The following RAB11FIP5 variants were observed in gnomAD, a reference collection of about 807,000 sequenced individuals.
The protein encoded by RAB11FIP5 is rab11 family-interacting protein 5.
RAB11FIP5 carries 48 observed loss-of-function variants against 85.1 expected under a neutral mutation model. The ratio of observed to expected loss-of-function variants is 0.56; its 90% CI spans 0.45 to 0.72. The LOEUF is 0.72. Ranked by LOEUF, RAB11FIP5 falls within the 30% of genes least tolerant of loss-of-function variation. The pLI is 0.00. For synonymous variants in RAB11FIP5, 729 were observed against 727.3 expected, an observed-to-expected ratio of 1.00 and a Z score of -0.04; for missense variants, 1,491 against 1,687.0, an observed-to-expected ratio of 0.88 and a Z score of 2.04.
At chr2:73,101,330 A>G (rs145254674) in intron 1 of RAB11FIP5, among the ~76,000 whole-genome samples, 2,672 of 152,312 alleles carry the variant, frequency 0.018, 44 homozygotes, top group Middle Eastern at 0.075. Flanking sequence ...GAGACATGTC[A>G]TGAGGAGACA....
chr2:73,099,574 G>A (rs1224548826), intron 1 of RAB11FIP5, among the ~76,000 whole-genome samples: 1 of 152,214 alleles, frequency 6.6e-6, no homozygotes, highest in Admixed American at 6.5e-5. Context: ...GCCTGGTGAA[G>A]GGCAAGAAGC....
intron 1 of RAB11FIP5, among the ~76,000 whole-genome samples, chr2:73,111,845 C>T (rs1039916256): frequency 1.4e-4 from 21 of 152,182 alleles, no homozygotes; most frequent in Non-Finnish European, 2.5e-4. Context: ...CTGCAGCCAG[C>T]TTCTACGTTT....
At chr2:73,112,948 T>TGGCCGCG (rs1384661541), upstream of RAB11FIP5, 20 of 339,290 alleles carry the variant, frequency 5.9e-5, no homozygotes, top group Admixed American at 9.3e-4. Context: ...ACCGGGCCGC[T>TGGCCGCG]GGCCGCGGGC....
rs1291235401 is a variant in RAB11FIP5 at position 73,074,463 on chromosome 2, T to A, written c.*1058A>T. On this transcript the variant is annotated 3_prime_UTR_variant, in exon 6 of 6. Transcript: ENST00000486777. ...ACTTGGCCAGACCAAGAGATTAACTTTAGGGGAGGGGAACAGCCCACAGCA... is the reference window on the plus strand; with the variant it reads ...ACTTGGCCAGACCAAGAGATTAACTATAGGGGAGGGGAACAGCCCACAGCA... 1 of 152,578 alleles carries A rather than the reference T, an allele frequency of 6.6e-6. No homozygotes were observed. The highest frequency in any genetic ancestry group is 1.5e-5 in the Non-Finnish European group (1 of 68,186). 9.5% of individuals were successfully genotyped at this position (152,578 alleles called of 1,614,324 possible). A position where few individuals can be genotyped will look rare whatever the true frequency, so the allele number is the denominator to read the frequency against.
In RAB11FIP5 at chr2:73,112,889, G is replaced by T; in HGVS notation, c.-112C>A. On this transcript the variant is annotated 5_prime_UTR_variant, in exon 1 of 6. In the 5' UTR this introduces an upstream ATG that the reference lacks. Transcript: ENST00000486777. ...GGAACCAACTCTGAGCGCCGCCGCA[G>T]CTGCGGGCTGGGCTGGGCCGGGCCG... 9.4e-7 allele frequency: 1 copy of T among 1,058,676 alleles called. No homozygotes were observed. The highest frequency in any genetic ancestry group is 1.2e-6 in the Non-Finnish European group (1 of 813,802). The allele number at this position is 1,058,676 out of a possible 1,614,324, so 65.6% of individuals were successfully genotyped here. A position where few individuals can be genotyped will look rare whatever the true frequency, so the allele number is the denominator to read the frequency against.
Position 73,088,555 on chromosome 2 carries a change from G to A in RAB11FIP5, c.1063C>T (p.Arg355Cys), listed in dbSNP as rs538411572. 82 of 1,613,908 alleles carry A rather than the reference G, an allele frequency of 5.1e-5. No homozygotes were observed. Among genetic ancestry groups the A allele is most frequent in the Middle Eastern group, 1.6e-4 (1 of 6,062 alleles). Residue 355 changes from arginine to cysteine, a missense_variant, in exon 3 of 6, where the codon CGC (arginine) becomes TGC (cysteine). This residue lies in a region of RAB11FIP5 where 1,211 missense variants were observed against 1,338.0 expected (regional missense o/e 0.91). Transcript: ENST00000486777. ...GGAAGCGAGCCCGAGATGGAGCTGC[G>A]GTGCCGCACAGGGCCCTGGGGCTCC... ...NEEPQGPVRH[R>C]SSISGSLPSS...
chr2:73,091,747 A>G (rs953487705), intron 1 of RAB11FIP5, among the ~76,000 whole-genome samples: 4 of 152,162 alleles, frequency 2.6e-5, no homozygotes, highest in African/African-American at 9.7e-5. Context: ...ATCCCTATAG[A>G]AGAGCCCATC....
chr2:73,094,972 G>A (rs1684289272), intron 1 of RAB11FIP5, among the ~76,000 whole-genome samples: 1 of 151,746 alleles, frequency 6.6e-6, no homozygotes. Context: ...AAACCAGGAG[G>A]AAGGACAGTG....
chr2:73,102,585 C>T (rs893046308), intron 1 of RAB11FIP5, among the ~76,000 whole-genome samples: 21 of 152,136 alleles, frequency 1.4e-4, no homozygotes, highest in Admixed American at 1.3e-3. Flanking sequence ...TCGCCCCCTG[C>T]GGCAGCACTA....
At chr2:73,101,763 G>A (rs1266442984) in intron 1 of RAB11FIP5, among the ~76,000 whole-genome samples, 1 of 152,090 alleles carries the variant, frequency 6.6e-6, no homozygotes, top group Non-Finnish European at 1.5e-5. Flanking sequence ...CACCGCACAG[G>A]GGCTGACAGC....
At chr2:73,102,549 G>A (rs1684448784) in intron 1 of RAB11FIP5, among the ~76,000 whole-genome samples, 2 of 152,286 alleles carry the variant, frequency 1.3e-5, no homozygotes, top group South Asian at 4.2e-4. Flanking sequence ...AGGAGAGCCA[G>A]GGGGGCCCCT....
chr2:73,112,364 G>T lies in RAB11FIP5; in HGVS notation c.414C>A (p.Gly138=). ...TVALDEVFGA[G]RAQHTQWYKL... is the part of the protein sequence containing the mutation. ...CTACTCACTGCGTGTGCTGGGCGCG[G>T]CCTGCGCCGAAGACCTCGTCCAGCG... Residue 138 remains glycine (G), a synonymous_variant, in exon 1 of 6, where the codon GGC becomes GGA. Coordinates refer to ENST00000486777, the MANE Select transcript of RAB11FIP5 (RefSeq NM_001371272.1). 1 of 1,588,806 alleles carries T rather than the reference G, an allele frequency of 6.3e-7. No individual in the cohort carries two copies.
In RAB11FIP5 at chr2:73,080,171, T is replaced by C. The variant is rs1683944284; in HGVS notation, c.3061A>G (p.Thr1021Ala). Residue 1021 changes from threonine to alanine, a missense_variant, in exon 4 of 6, where the codon ACT (threonine) becomes GCT (alanine). By Grantham distance (58) the Thr-to-Ala change is moderately conservative. This residue lies in a region of RAB11FIP5 where 1,211 missense variants were observed against 1,338.0 expected (regional missense o/e 0.91). Coordinates refer to ENST00000486777, the MANE Select transcript of RAB11FIP5 (RefSeq NM_001371272.1). Reference sequence around the variant, plus strand: ...TCAGGGCCTTCTCCAACCTCTGGAGTCCCCCAGATGTGCTGACTCTGAAGA... The same window carrying C: ...TCAGGGCCTTCTCCAACCTCTGGAGCCCCCCAGATGTGCTGACTCTGAAGA... ...LALQSQHIWG[T>A]PEVGEGPEAP... 4.1e-6 allele frequency: 5 copies of C among 1,231,530 alleles called. No homozygotes were observed. The African/African-American group carries it at 4.7e-5, about 12-fold the overall frequency. 76.3% of individuals were successfully genotyped at this position (1,231,530 alleles called of 1,614,324 possible). A position where few individuals can be genotyped will look rare whatever the true frequency, so the allele number is the denominator to read the frequency against.
intron 1 of RAB11FIP5, among the ~76,000 whole-genome samples, chr2:73,103,452 C>T (rs1684467377): frequency 6.6e-6 from 1 of 152,158 alleles, no homozygotes; most frequent in African/African-American, 2.4e-5. Flanking sequence ...GCAAAAATGG[C>T]TGGAGACAAG....
At chr2:73,100,425 G>GTTTTT (rs573555727) in intron 1 of RAB11FIP5, among the ~76,000 whole-genome samples, 2 of 131,108 alleles carry the variant, frequency 1.5e-5, no homozygotes, top group African/African-American at 5.8e-5. Context: ...TTTGGTTGTG[G>GTTTTT]TTTTTTTTTT....
intron 1 of RAB11FIP5, among the ~76,000 whole-genome samples, chr2:73,103,475 G>C (rs1423629788): frequency 6.6e-6 from 1 of 152,200 alleles, no homozygotes; most frequent in Non-Finnish European, 1.5e-5. Context: ...AAACCACAGA[G>C]AGCAACAGAA....
In RAB11FIP5 at chr2:73,075,790, C is replaced by A; in HGVS notation, c.3772-66G>T. On this transcript the variant is annotated intron_variant, in intron 5 of 5. Coordinates refer to ENST00000486777, the MANE Select transcript of RAB11FIP5 (RefSeq NM_001371272.1). The surrounding 1 kb of genome is among the most constrained non-coding windows in gnomAD (Gnocchi z 4.6). ...CCTGCCTGCCTGCCTGCCCGCTTGC[C>A]CGCCCGCCCGCCTGCCCACCAACAC... The A allele has an allele frequency of 6.8e-7, 1 of 1,461,916 alleles. No individual in the cohort carries two copies. Among genetic ancestry groups the A allele is most frequent in the Non-Finnish European group, 9.3e-7 (1 of 1,080,070 alleles). The allele number at this position is 1,461,916 out of a possible 1,614,324, so 90.6% of individuals were successfully genotyped here. A position where few individuals can be genotyped will look rare whatever the true frequency, so the allele number is the denominator to read the frequency against.
At position 73,080,168 on chromosome 2, in the gene RAB11FIP5, G is replaced by A; in HGVS notation, c.3064C>T (p.Pro1022Ser). The A allele has an allele frequency of 8.1e-7, 1 of 1,232,140 alleles. No homozygotes were observed. Among genetic ancestry groups the A allele is most frequent in the Non-Finnish European group, 1.0e-6 (1 of 988,008 alleles). 76.3% of individuals were successfully genotyped at this position (1,232,140 alleles called of 1,614,324 possible). A position where few individuals can be genotyped will look rare whatever the true frequency, so the allele number is the denominator to read the frequency against. ...ALQSQHIWGT[P>S]EVGEGPEAPE... ...GCCTCAGGGCCTTCTCCAACCTCTG[G>A]AGTCCCCCAGATGTGCTGACTCTGA... The change falls in exon 4 of 6, where the codon CCA becomes TCA. Residue 1022 changes from proline (P) to serine (S), a missense_variant. Pro to Ser is a moderately conservative substitution (Grantham distance 74). Coordinates refer to ENST00000486777, the MANE Select transcript of RAB11FIP5 (RefSeq NM_001371272.1).
rs777896741 is a variant in RAB11FIP5, at chr2:73,081,405, G to C, written c.1827C>G (p.Phe609Leu). 5 of 1,232,468 alleles carry C rather than the reference G, an allele frequency of 4.1e-6. No homozygotes were observed. The highest frequency in any genetic ancestry group is 8.2e-5 in the South Asian group (2 of 24,386). 76.3% of individuals were successfully genotyped at this position (1,232,468 alleles called of 1,614,324 possible). Residue 609 changes from phenylalanine to leucine, a missense_variant, in exon 4 of 6, where the codon TTC (phenylalanine) becomes TTG (leucine). Around this residue, in one of 3 missense-constraint regions of RAB11FIP5, gnomAD observed 1,211 missense variants for 1,338.0 expected, o/e 0.91. Transcript: ENST00000486777. This position sits in a 1 kb window ranked among gnomAD's most constrained non-coding sequence, Gnocchi z 4.2. The part of the protein sequence containing the change: ...FLTSLQSNPF[F>L]EELIADIALN... ...GTGCTATGTCGGCTATGAGCTCCTC[G>C]AAGAAGGGGTTGCTCTGCAAAGAGG...
Sources: gnomAD v4.1 joint callset for allele counts (sites outside exome capture counted in the v4.1 genomes callset) on GRCh38, gnomAD v4.1.1 for gene constraint, gnomAD v4.1.1 regional missense constraint, Gnocchi (gnomAD v3.1) non-coding constraint, MANE v1.5 for transcripts, NCBI Gene and HGNC (gene_info 2026-07-23, HGNC 2026-07-21) for gene names.